The following TMEM106B variants were observed in gnomAD, a reference collection of about 807,000 sequenced individuals.
The protein encoded by TMEM106B is transmembrane protein 106B.
A neutral mutation model predicts 31.1 loss-of-function variants in TMEM106B; 15 were observed. The ratio of observed to expected loss-of-function variants is 0.48; its 90% confidence interval spans 0.32 to 0.74. The LOEUF (loss-of-function observed/expected upper bound fraction) is 0.74. Among genes scored for constraint, TMEM106B ranks in the 30% least tolerant of loss-of-function variants. The pLI is 0.03. For missense variants in TMEM106B, 283 were observed against 327.3 expected, an observed-to-expected ratio of 0.86 and a Z score of 1.04; for synonymous variants, 126 against 112.5, an observed-to-expected ratio of 1.12 and a Z score of -0.76.
At chr7:12,215,578 T>A (rs1388469752) in intron 2 of TMEM106B, 1 of 326,162 alleles carries the variant, frequency 3.1e-6, no homozygotes, top group East Asian at 9.0e-5. Flanking sequence ...ATGTTATTTT[T>A]AAAATTTTAT....
intron 5 of TMEM106B, 121 bp downstream of exon 5, chr7:12,229,940 G>C: frequency 8.8e-7 from 1 of 1,136,294 alleles, no homozygotes; most frequent in Non-Finnish European, 1.2e-6. Context: ...GTCTCTGCTG[G>C]GTACAGTGGC....
intron 2 of TMEM106B, chr7:12,215,827 G>GA (rs915650245): frequency 2.0e-3 from 321 of 161,768 alleles, no homozygotes; most frequent in South Asian, 4.5e-3. Flanking sequence ...GAGCCAAATT[G>GA]AAAAAAAAAA....
At chr7:12,218,649 C>T in intron 3 of TMEM106B, 128 bp downstream of exon 3, 1 of 725,348 alleles carries the variant, frequency 1.4e-6, no homozygotes, top group Non-Finnish European at 2.2e-6. Flanking sequence ...TAAATTATGT[C>T]ATCATATGCT....
intron 2 of TMEM106B, chr7:12,215,688 A>T: frequency 3.2e-6 from 1 of 314,324 alleles, no homozygotes; most frequent in South Asian, 2.9e-5. Flanking sequence ...AAAGTGTTAG[A>T]ATTACAGCTG....
intron 4 of TMEM106B, among the ~76,000 whole-genome samples, chr7:12,229,225 G>C (rs1781964184): frequency 6.6e-6 from 1 of 152,082 alleles, no homozygotes; most frequent in Middle Eastern, 3.2e-3. Flanking sequence ...TGTTACTTAA[G>C]CATGTGAATG....
chr7:12,228,322 AAC>A (rs1376005757), intron 4 of TMEM106B, among the ~76,000 whole-genome samples: 1 of 151,784 alleles, frequency 6.6e-6, no homozygotes, highest in African/African-American at 2.4e-5. Context: ...TATTCCTATT[AAC>A]ATTTATGTAT....
rs1782030294 is a variant in TMEM106B, at chr7:12,231,826, ATTATT to A, written c.687-8_687-4del. On this transcript the variant is annotated splice_polypyrimidine_tract_variant and splice_region_variant and intron_variant, in intron 7 of 7. Coordinates refer to ENST00000396668, the MANE Select transcript of TMEM106B (RefSeq NM_001134232.2). ...CTATTAAATGTCTCTCCTCACTTAC[ATTATT>A]TTTAGAGTTACTGTGACAACAACAT... The A allele has an allele frequency of 1.3e-6, 2 of 1,582,028 alleles. No individual in the cohort carries two copies. The highest frequency in any genetic ancestry group is 1.7e-6 in the Non-Finnish European group (2 of 1,158,514).
At chr7:12,215,177 G>T in intron 2 of TMEM106B, 150 bp downstream of exon 2, 1 of 606,384 alleles carries the variant, frequency 1.6e-6, no homozygotes, top group Non-Finnish European at 2.7e-6. Flanking sequence ...TCAAAAAGAT[G>T]CAAAAGAAAC....
intron 3 of TMEM106B, among the ~76,000 whole-genome samples, chr7:12,219,312 AATACTTTGT>A: frequency 6.6e-6 from 1 of 152,178 alleles, no homozygotes; most frequent in Non-Finnish European, 1.5e-5. Context: ...CATATTTTCA[AATACTTTGT>A]ATATCAACAG....
chr7:12,231,554 T>C (rs1782023145), intron 7 of TMEM106B: 1 of 287,078 alleles, frequency 3.5e-6, no homozygotes, highest in Non-Finnish European at 6.4e-6. Context: ...AGAACCATGG[T>C]CACTTTTAAG....
rs1304364413 is a variant in TMEM106B at position 12,239,059 on chromosome 7, T to G, written c.*7084T>G. On this transcript the variant is annotated 3_prime_UTR_variant, in exon 8 of 8. Coordinates refer to ENST00000396668, the MANE Select transcript of TMEM106B (RefSeq NM_001134232.2). The stretch of plus-strand genomic sequence containing the variant: ...CTTTTTGTAAAAGAAGGTTGTTTTA[T>G]CTACATTGAAAATATATTGTTCATT... The G allele has an allele frequency of 6.6e-6, 1 of 152,210 alleles. No individual in the cohort carries two copies. Among genetic ancestry groups the G allele is most frequent in the Admixed American group, 6.6e-5 (1 of 15,266 alleles). The allele number at this position is 152,210 out of a possible 1,614,324, so 9.4% of individuals were successfully genotyped here.
In TMEM106B at chr7:12,230,292, G is replaced by A. The variant is rs1254873431; in HGVS notation, c.583-97G>A. 6 of 891,268 alleles carry A rather than the reference G, an allele frequency of 6.7e-6. No homozygotes were observed. In the Admixed American group the frequency reaches 8.1e-5, roughly 12 times the overall value. The allele number at this position is 891,268 out of a possible 1,614,324, so 55.2% of individuals were successfully genotyped here. A position where few individuals can be genotyped will look rare whatever the true frequency, so the allele number is the denominator to read the frequency against. On this transcript the variant is annotated intron_variant, in intron 5 of 7. Coordinates refer to ENST00000396668, the MANE Select transcript of TMEM106B (RefSeq NM_001134232.2). ...ATCTTTGAGAATCAAGCTTGTAAAA[G>A]GAGAAAAATTTCTAATTATTTGAAG...
chr7:12,222,033 T>G (rs572212913), intron 3 of TMEM106B, among the ~76,000 whole-genome samples: 1 of 152,316 alleles, frequency 6.6e-6, no homozygotes, highest in East Asian at 1.9e-4. Context: ...TTGAGTGATT[T>G]GTAAGATTAT....
At chr7:12,222,976 T>A (rs13311466) in intron 3 of TMEM106B, among the ~76,000 whole-genome samples, 31 of 152,118 alleles carry the variant, frequency 2.0e-4, no homozygotes, top group African/African-American at 7.0e-4. Context: ...AAATGGAAAA[T>A]TTTTGTATAA....
intron 3 of TMEM106B, among the ~76,000 whole-genome samples, chr7:12,219,293 C>A (rs1449615662): frequency 6.6e-6 from 1 of 152,146 alleles, no homozygotes; most frequent in African/African-American, 2.4e-5. Context: ...GATAAATATA[C>A]ATGGAGGCCA....
rs34853509 is a variant in TMEM106B at position 12,232,747 on chromosome 7, CAAATA to C, written c.*775_*779del. 1 of 152,202 alleles carries C rather than the reference CAAATA, an allele frequency of 6.6e-6. No homozygotes were observed. The highest frequency in any genetic ancestry group is 1.9e-4 in the East Asian group (1 of 5,186). 9.4% of individuals were successfully genotyped at this position (152,202 alleles called of 1,614,324 possible). On this transcript the variant is annotated 3_prime_UTR_variant, in exon 8 of 8. Transcript: ENST00000396668. ...GCTTTTATACAGCTTTAGTAAATGT[CAAATA>C]AAGTGGTACAGACTCATTACAACAA... is the stretch of plus-strand genomic sequence containing the variant.
chr7:12,237,851 ACAC>A lies in TMEM106B; in HGVS notation c.*5877_*5879del, dbSNP rs2128529572. The A allele has an allele frequency of 1.3e-5, 2 of 150,768 alleles. No individual in the cohort carries two copies. Among genetic ancestry groups the A allele is most frequent in the African/African-American group, 2.5e-5 (1 of 40,708 alleles). The allele number at this position is 150,768 out of a possible 1,614,324, so 9.3% of individuals were successfully genotyped here. A position where few individuals can be genotyped will look rare whatever the true frequency, so the allele number is the denominator to read the frequency against. Reference sequence around the variant, plus strand: ...CACACACACACACACACACACACACACACACTATTGCTAAAAAATGTTAACGAT... The same window carrying A: ...CACACACACACACACACACACACACAACTATTGCTAAAAAATGTTAACGAT... On this transcript the variant is annotated 3_prime_UTR_variant, in exon 8 of 8. Coordinates refer to ENST00000396668, the MANE Select transcript of TMEM106B (RefSeq NM_001134232.2).
At chr7:12,215,483 C>T (rs1781668552) in intron 2 of TMEM106B, 1 of 177,034 alleles carries the variant, frequency 5.6e-6, no homozygotes, top group African/African-American at 2.4e-5. Flanking sequence ...GCAATCCTCC[C>T]ACCTCGGCTT....
chr7:12,218,226 C>A (rs904805207), intron 2 of TMEM106B, among the ~76,000 whole-genome samples: 2 of 147,406 alleles, frequency 1.4e-5, no homozygotes, highest in Non-Finnish European at 3.0e-5. Flanking sequence ...AAAGTAAGCC[C>A]TCATTTGTTA....
Sources: gnomAD v4.1 joint callset for allele counts (sites outside exome capture counted in the v4.1 genomes callset) on GRCh38, gnomAD v4.1.1 for gene constraint, MANE v1.5 for transcripts, NCBI Gene and HGNC (gene_info 2026-07-23, HGNC 2026-07-21) for gene names.